Variants in RNF17 observed in about 807,000 individuals in gnomAD.
RNF17 encodes ring finger protein 17.
RNF17 carries 31 observed loss-of-function variants against 200.5 expected under a neutral mutation model. That is an observed-to-expected ratio of 0.15 (90% CI 0.12 to 0.21). The LOEUF (loss-of-function observed/expected upper bound fraction) is 0.21, where lower values mean the gene tolerates loss of function less well. RNF17 is among the 10% of genes least tolerant of loss of function. The probability of loss-of-function intolerance (pLI) is 1.00; values close to 1 mark genes in which losing one functional copy is unlikely to be tolerated. For missense variants in RNF17, 1,628 were observed against 1,905.1 expected (o/e 0.85, Z 2.71); for synonymous variants, 606 against 637.8 (o/e 0.95, Z 0.75).
chr13:24,777,474 C>T (rs1354560934), intron 3 of RNF17, among the ~76,000 whole-genome samples: 1 of 152,144 alleles, frequency 6.6e-6, no homozygotes, highest in African/African-American at 2.4e-5. Flanking sequence ...TCGAGACCAG[C>T]CTGGGCAACA....
intron 18 of RNF17, among the ~76,000 whole-genome samples, chr13:24,839,877 T>C (rs1244948009): frequency 6.6e-6 from 1 of 151,996 alleles, no homozygotes; most frequent in African/African-American, 2.4e-5. Flanking sequence ...CAAACATAAA[T>C]AGCTGGGACC....
intron 16 of RNF17, among the ~76,000 whole-genome samples, chr13:24,829,240 T>A (rs766940971): frequency 6.6e-6 from 1 of 152,192 alleles, no homozygotes; most frequent in East Asian, 1.9e-4. Context: ...CCTCTTGAGT[T>A]TAATTCCCTT....
chr13:24,778,223 C>G (rs1427850316), intron 3 of RNF17, 72 bp from the exon 4 acceptor site: 13 of 1,006,970 alleles, frequency 1.3e-5, no homozygotes, highest in Non-Finnish European at 2.0e-5. Flanking sequence ...GATGGTGCCA[C>G]TGCACTCTGG....
intron 23 of RNF17, among the ~76,000 whole-genome samples, chr13:24,851,046 G>C (rs1235986885): frequency 6.6e-6 from 1 of 152,158 alleles, no homozygotes; most frequent in African/African-American, 2.4e-5. Context: ...CCAGGCTGGA[G>C]TGCAGTGGCG....
downstream of RNF17, chr13:24,884,130 A>AATT (rs1953940774): frequency 4.6e-6 from 7 of 1,527,592 alleles, no homozygotes; most frequent in East Asian, 1.7e-4. Context: ...GGAAGGGAAG[A>AATT]ATTTAATGAG....
the RNF17 span, among the ~76,000 whole-genome samples, chr13:24,758,826 T>C: frequency 3.9e-5 from 6 of 151,952 alleles, no homozygotes; most frequent in East Asian, 1.9e-4. Flanking sequence ...CTTGTAATCC[T>C]AGCACTTCGG....
the RNF17 span, among the ~76,000 whole-genome samples, chr13:24,752,647 G>C: frequency 2.3e-4 from 35 of 152,308 alleles, no homozygotes; most frequent in African/African-American, 7.7e-4. Context: ...TAGATGGCCC[G>C]CCGAGGCTGC....
chr13:24,755,671 C>T, the RNF17 span, among the ~76,000 whole-genome samples: 802 of 152,162 alleles, frequency 5.3e-3, 14 homozygotes, highest in African/African-American at 0.018. Context: ...TGAAAAGTTT[C>T]GTCTCTGAAA....
At chr13:24,750,738 T>G in the RNF17 span, 1 of 152,256 alleles carries the variant, frequency 6.6e-6, no homozygotes, top group African/African-American at 2.4e-5. Flanking sequence ...AATGATGGCA[T>G]TCATTGATTA....
At chr13:24,824,236 T>G (rs1450156303) in intron 15 of RNF17, 1 of 713,710 alleles carries the variant, frequency 1.4e-6, no homozygotes, top group East Asian at 2.7e-5. Flanking sequence ...CTTTCTCATT[T>G]TTTCAATGTT....
At chr13:24,836,317 G>C (rs528278902) in intron 18 of RNF17, among the ~76,000 whole-genome samples, 135 of 152,278 alleles carry the variant, frequency 8.9e-4, no homozygotes, top group Admixed American at 3.9e-3. Flanking sequence ...AACTCCCCAG[G>C]CCTTGCTAGA....
intron 6 of RNF17, among the ~76,000 whole-genome samples, chr13:24,785,620 A>G (rs1158966770): frequency 6.6e-6 from 1 of 152,136 alleles, no homozygotes; most frequent in Non-Finnish European, 1.5e-5. Context: ...ATCAGTCTAT[A>G]GTGTTGTCCA....
chr13:24,828,564 A>G (rs149415227), intron 16 of RNF17, among the ~76,000 whole-genome samples: 37 of 145,780 alleles, frequency 2.5e-4, no homozygotes, highest in African/African-American at 1.0e-3. Flanking sequence ...TCTGTCAGAC[A>G]AATTTTGGAT....
chr13:24,752,321 G>A, the RNF17 span: 8 of 175,902 alleles, frequency 4.5e-5, no homozygotes, highest in Admixed American at 1.7e-4. Flanking sequence ...CAGGCCAAAC[G>A]TACAGCAGCC....
chr13:24,753,341 C>G, the RNF17 span, among the ~76,000 whole-genome samples: 1 of 152,094 alleles, frequency 6.6e-6, no homozygotes, highest in Non-Finnish European at 1.5e-5. Flanking sequence ...TCTGGAAACA[C>G]GTGGCCTCCT....
intron 22 of RNF17, among the ~76,000 whole-genome samples, chr13:24,846,259 C>T (rs575258399): frequency 8.5e-5 from 13 of 152,258 alleles, no homozygotes; most frequent in Admixed American, 5.9e-4. Flanking sequence ...TGAGCTAAAT[C>T]GAACTAATAT....
intron 7 of RNF17, among the ~76,000 whole-genome samples, chr13:24,789,009 AATG>A (rs924969255): frequency 6.6e-6 from 1 of 152,190 alleles, no homozygotes; most frequent in African/African-American, 2.4e-5. Context: ...TGATGAAAAA[AATG>A]ATAAAATTTG....
At chr13:24,764,466 C>T (rs113165424) in intron 1 of RNF17, 133 bp downstream of exon 1, 8 of 1,282,220 alleles carry the variant, frequency 6.2e-6, no homozygotes, top group African/African-American at 2.9e-5. Context: ...CGTCACAGGC[C>T]TCCCGCGAGC....
intron 20 of RNF17, 101 bp downstream of exon 20, chr13:24,844,072 C>G: frequency 2.4e-6 from 1 of 409,740 alleles, no homozygotes. Flanking sequence ...ATTTTACTAG[C>G]AAAATTATTT....
Sources: gnomAD v4.1 joint callset for allele counts (sites outside exome capture counted in the v4.1 genomes callset) on GRCh38, gnomAD v4.1.1 for gene constraint, MANE v1.5 for transcripts, NCBI Gene and HGNC (gene_info 2026-07-23, HGNC 2026-07-21) for gene names.